The following SNX29 variants were observed in gnomAD, a reference collection of about 807,000 sequenced individuals.
The protein encoded by SNX29 is sorting nexin 29.
Under a neutral mutation model 102.1 loss-of-function variants are expected in SNX29, and 78 were observed. The ratio of observed to expected loss-of-function variants is 0.76; its 90% CI spans 0.64 to 0.92. The LOEUF (loss-of-function observed/expected upper bound fraction) is 0.92. Ranked by LOEUF, SNX29 falls within the 40% of genes least tolerant of loss-of-function variation. The pLI is 0.00. For synonymous variants in SNX29, 580 were observed against 414.5 expected (o/e 1.40, Z -4.85); for missense variants, 1,280 against 1,061.7 (o/e 1.21, Z -2.86).
At chr16:12,559,081 C>A (rs1049693923) in intron 20 of SNX29, among the ~76,000 whole-genome samples, 7 of 152,126 alleles carry the variant, frequency 4.6e-5, no homozygotes, top group African/African-American at 1.7e-4. Context: ...GCTGTGTCCC[C>A]GTGCTCCTTA....
intron 16 of SNX29, among the ~76,000 whole-genome samples, chr16:12,393,803 C>A (rs2083622980): frequency 6.6e-6 from 1 of 152,246 alleles, no homozygotes; most frequent in South Asian, 2.1e-4. Context: ...AAGTCCTTGG[C>A]ACATAGTAAT....
At position 12,566,340 on chromosome 16, in the gene SNX29, A is replaced by G. The variant is rs542638229; in HGVS notation, c.2319-2166A>G. Among the ~76,000 whole-genome samples the G allele has an allele frequency of 6.1e-4, 92 of 151,872 alleles. 1 individual carries two copies. Among genetic ancestry groups the G allele is most frequent in the African/African-American group, 2.1e-3 (87 of 41,398 alleles). On this transcript the variant is annotated intron_variant, in intron 20 of 20. Transcript: ENST00000566228. ...CTCTCCCTACCCCTTCATAACAGTC[A>G]CCCCACCGACTGCTACCTCTCCTCT...
At chr16:12,207,509 C>T (rs953329838) in intron 14 of SNX29, among the ~76,000 whole-genome samples, 47 of 152,208 alleles carry the variant, frequency 3.1e-4, no homozygotes, top group Admixed American at 3.9e-4. Context: ...AATTGTATTT[C>T]ATCTCCGTTC....
At chr16:12,052,250 A>G in intron 8 of SNX29, 28 bp downstream of exon 8, 1 of 1,611,432 alleles carries the variant, frequency 6.2e-7, no homozygotes, top group Non-Finnish European at 8.5e-7. Context: ...GTGGAGTCTC[A>G]CCGTCCCCCA....
At chr16:12,061,747 G>T (rs1250370885) in intron 9 of SNX29, 101 bp downstream of exon 9, 1 of 991,358 alleles carries the variant, frequency 1.0e-6, no homozygotes, top group Non-Finnish European at 1.5e-6. Flanking sequence ...TGGGAGCCGG[G>T]AGGCACGGGA....
chr16:12,095,772 C>G (rs1452549415), intron 11 of SNX29, among the ~76,000 whole-genome samples: 5 of 152,114 alleles, frequency 3.3e-5, no homozygotes, highest in African/African-American at 1.2e-4. Context: ...ACCATCCGGC[C>G]CATTTGTTTC....
intron 13 of SNX29, among the ~76,000 whole-genome samples, chr16:12,197,967 G>A (rs866347123): frequency 3.3e-5 from 5 of 152,164 alleles, no homozygotes; most frequent in Non-Finnish European, 5.9e-5. Context: ...CGGCACCAGG[G>A]ATGAGCAGTC....
At chr16:12,568,181 A>G (rs934022276) in intron 20 of SNX29, among the ~76,000 whole-genome samples, 22 of 152,184 alleles carry the variant, frequency 1.4e-4, no homozygotes, top group South Asian at 1.0e-3. Context: ...AATCAAGGAA[A>G]ATGTGGGGAA....
At chr16:12,335,405 C>T (rs1768579301) in intron 15 of SNX29, among the ~76,000 whole-genome samples, 2 of 152,104 alleles carry the variant, frequency 1.3e-5, no homozygotes. Flanking sequence ...TGGCTCACAC[C>T]TGTAATCCCA....
chr16:12,537,028 C>T (rs554659559), intron 20 of SNX29, among the ~76,000 whole-genome samples: 24 of 152,114 alleles, frequency 1.6e-4, no homozygotes, highest in Non-Finnish European at 2.9e-4. Context: ...GCCGGGGGAG[C>T]ACACAGCAAG....
chr16:12,357,681 A>T (rs2082177816), intron 16 of SNX29, among the ~76,000 whole-genome samples: 1 of 152,068 alleles, frequency 6.6e-6, no homozygotes, highest in African/African-American at 2.4e-5. Context: ...TGTCCCCTTT[A>T]AACAGTCAGT....
At chr16:12,415,499 TAAA>T (rs971622449) in intron 18 of SNX29, among the ~76,000 whole-genome samples, 14 of 152,198 alleles carry the variant, frequency 9.2e-5, no homozygotes, top group African/African-American at 2.4e-4. Flanking sequence ...AGTATAAACT[TAAA>T]AAACTTTCTA....
At chr16:12,007,934 C>G (rs1397250199) in intron 3 of SNX29, among the ~76,000 whole-genome samples, 1 of 152,140 alleles carries the variant, frequency 6.6e-6, no homozygotes, top group East Asian at 1.9e-4. Context: ...GTTTTTAAAG[C>G]TTTTCACTAC....
intron 7 of SNX29, among the ~76,000 whole-genome samples, chr16:12,050,156 C>A (rs1478688108): frequency 6.6e-6 from 1 of 152,158 alleles, no homozygotes; most frequent in Non-Finnish European, 1.5e-5. Flanking sequence ...TCTACACCCA[C>A]AGGAGTAGAA....
At chr16:12,547,073 G>C (rs1287511794) in intron 20 of SNX29, among the ~76,000 whole-genome samples, 11 of 152,212 alleles carry the variant, frequency 7.2e-5, no homozygotes, top group Non-Finnish European at 1.5e-5. Flanking sequence ...TAGTGAGGCA[G>C]ACATGCCTAT....
At chr16:12,418,558 A>C (rs2084740352) in intron 18 of SNX29, among the ~76,000 whole-genome samples, 1 of 150,698 alleles carries the variant, frequency 6.6e-6, no homozygotes. Context: ...TCTGTTGTCC[A>C]GGCTGGAGTG....
chr16:12,542,418 C>G (rs1372906569), intron 20 of SNX29, among the ~76,000 whole-genome samples: 1 of 152,232 alleles, frequency 6.6e-6, no homozygotes, highest in Non-Finnish European at 1.5e-5. Flanking sequence ...TCACTACAGC[C>G]TTCGCCTCCC....
At chr16:11,993,741 G>C (rs994724472) in intron 1 of SNX29, among the ~76,000 whole-genome samples, 8 of 152,094 alleles carry the variant, frequency 5.3e-5, no homozygotes, top group Non-Finnish European at 7.4e-5. Context: ...GTGACCCCAG[G>C]CAGAAGGCTA....
intron 15 of SNX29, among the ~76,000 whole-genome samples, chr16:12,350,714 G>GTCTGTGAAA (rs1296127688): frequency 2.0e-5 from 3 of 152,222 alleles, no homozygotes; most frequent in African/African-American, 7.2e-5. Flanking sequence ...TCAAAGCTGA[G>GTCTGTGAAA]TCTGTGAAAT....
Sources: allele counts gnomAD v4.1 joint callset (sites outside exome capture counted in the v4.1 genomes callset), GRCh38; gene constraint gnomAD v4.1.1; transcripts MANE v1.5; gene names NCBI Gene and HGNC (gene_info 2026-07-23, HGNC 2026-07-21).